CNTN5: variants seen among roughly 807,000 people sequenced by gnomAD.
CNTN5 encodes the protein contactin 5.
A neutral mutation model predicts 129.1 loss-of-function variants in CNTN5; 77 were observed. The observed-to-expected ratio is 0.60, with a 90% CI of 0.50 to 0.72. The LOEUF (loss-of-function observed/expected upper bound fraction) is 0.72, where lower values mean the gene tolerates loss of function less well. CNTN5 is among the 30% of genes least tolerant of loss of function. The probability of loss-of-function intolerance (pLI) is 0.00; values close to 1 mark genes in which losing one functional copy is unlikely to be tolerated. For missense variants in CNTN5, 1,478 were observed against 1,328.8 expected (o/e 1.11, Z -1.75); for synonymous variants, 509 against 465.6 (o/e 1.09, Z -1.20).
chr11:100,212,084 C>T (rs1169580948), intron 15 of CNTN5, among the ~76,000 whole-genome samples: 1 of 152,148 alleles, frequency 6.6e-6, no homozygotes, highest in African/African-American at 2.4e-5. Context: ...CTGTATTTTA[C>T]TCTGTCCTAC....
intron 1 of CNTN5, among the ~76,000 whole-genome samples, chr11:99,280,088 A>G (rs1236122912): frequency 5.9e-5 from 9 of 151,852 alleles, no homozygotes; most frequent in South Asian, 2.1e-4. Context: ...GGGTATATTT[A>G]CAAAGGAATT....
At chr11:99,125,748 T>A (rs564862357) in intron 1 of CNTN5, among the ~76,000 whole-genome samples, 2 of 152,254 alleles carry the variant, frequency 1.3e-5, no homozygotes, top group East Asian at 1.9e-4. Flanking sequence ...AAATAAAAAA[T>A]TTACCACTTG....
At chr11:99,878,374 G>A (rs1167465916) in intron 6 of CNTN5, among the ~76,000 whole-genome samples, 3 of 152,188 alleles carry the variant, frequency 2.0e-5, no homozygotes, top group African/African-American at 7.2e-5. Context: ...GCATGTGAGA[G>A]AAGGACTGAA....
intron 16 of CNTN5, among the ~76,000 whole-genome samples, chr11:100,247,896 G>A (rs1210527381): frequency 6.6e-6 from 1 of 152,050 alleles, no homozygotes; most frequent in African/African-American, 2.4e-5. Flanking sequence ...TAAACCGCAT[G>A]ATAAAAATAA....
At chr11:99,788,798 G>A (rs527249994) in intron 3 of CNTN5, among the ~76,000 whole-genome samples, 7 of 151,914 alleles carry the variant, frequency 4.6e-5, no homozygotes, top group East Asian at 1.9e-4. Context: ...TAGTTGTATC[G>A]TGTGTATATT....
intron 4 of CNTN5, among the ~76,000 whole-genome samples, chr11:99,839,346 T>G (rs2135664367): frequency 6.6e-6 from 1 of 152,248 alleles, no homozygotes; most frequent in Admixed American, 6.5e-5. Flanking sequence ...AGTGGACAAA[T>G]GACTCAGGAT....
intron 13 of CNTN5, among the ~76,000 whole-genome samples, chr11:100,121,196 G>A (rs1946009424): frequency 6.6e-6 from 1 of 151,900 alleles, no homozygotes; most frequent in Non-Finnish European, 1.5e-5. Context: ...TACAGGAGAG[G>A]GGAGAAGAGG....
chr11:99,221,517 AT>A (rs1860396320), intron 1 of CNTN5, among the ~76,000 whole-genome samples: 1 of 151,920 alleles, frequency 6.6e-6, no homozygotes, highest in African/African-American at 2.4e-5. Context: ...TGTCACATGA[AT>A]TCATACAAGA....
At chr11:99,322,289 G>A (rs865785683) in intron 1 of CNTN5, among the ~76,000 whole-genome samples, 2 of 152,082 alleles carry the variant, frequency 1.3e-5, no homozygotes, top group African/African-American at 4.8e-5. Context: ...GTGTCTACTT[G>A]TGTACCCAAA....
chr11:100,061,086 C>T, intron 9 of CNTN5, 126 bp from the exon 10 acceptor site: 2 of 669,096 alleles, frequency 3.0e-6, no homozygotes, highest in Non-Finnish European at 2.4e-6. Context: ...TCAACCAGCA[C>T]ATGGTCCTTA....
Position 99,656,338 on chromosome 11 carries a change from A to G in CNTN5, c.55+100069A>G, listed in dbSNP as rs747742278. ...TTTCAAAGAGATAGCTAGACCTTTC[A>G]TATTTTTTTTCCCTCAGGAAATTTT... is the stretch of plus-strand genomic sequence containing the variant. On this transcript the variant is annotated intron_variant, in intron 3 of 24. Coordinates refer to ENST00000524871, the MANE Select transcript of CNTN5 (RefSeq NM_014361.4). Among the ~76,000 whole-genome samples the G allele has an allele frequency of 5.3e-5, 8 of 152,064 alleles. No individual in the cohort carries two copies. The South Asian group carries it at 1.0e-3, about 20-fold the overall frequency.
chr11:100,128,996 A>G (rs906085959), intron 13 of CNTN5, among the ~76,000 whole-genome samples: 15 of 152,134 alleles, frequency 9.9e-5, no homozygotes, highest in African/African-American at 3.6e-4. Context: ...TTGTGTAACA[A>G]TTTGTTTACA....
chr11:99,391,430 G>T (rs1009088841), intron 2 of CNTN5, among the ~76,000 whole-genome samples: 1 of 152,090 alleles, frequency 6.6e-6, no homozygotes, highest in Non-Finnish European at 1.5e-5. Context: ...CTAATAGATG[G>T]GCATGAAAAG....
intron 3 of CNTN5, among the ~76,000 whole-genome samples, chr11:99,801,854 A>T (rs558199523): frequency 6.6e-6 from 1 of 152,008 alleles, no homozygotes; most frequent in African/African-American, 2.4e-5. Flanking sequence ...TTGATTTTCA[A>T]CCTTCTCTTT....
chr11:99,862,987 A>G (rs867768685), intron 6 of CNTN5, among the ~76,000 whole-genome samples: 38 of 152,140 alleles, frequency 2.5e-4, no homozygotes, highest in African/African-American at 8.9e-4. Context: ...ACTAAAAAGT[A>G]TAAATAGCAA....
chr11:99,639,559 G>GTTTTTTTTTTT (rs71050010), intron 3 of CNTN5, among the ~76,000 whole-genome samples: 6 of 70,320 alleles, frequency 8.5e-5, no homozygotes, highest in Non-Finnish European at 1.3e-4. Flanking sequence ...TCACCTTTAT[G>GTTTTTTTTTTT]TTTTTTTTTT....
At chr11:99,735,844 A>C (rs1943688586) in intron 3 of CNTN5, among the ~76,000 whole-genome samples, 1 of 152,276 alleles carries the variant, frequency 6.6e-6, no homozygotes, top group African/African-American at 2.4e-5. Context: ...ACAATACGGT[A>C]TTGTTAACTA....
chr11:99,868,431 C>T (rs933380699), intron 6 of CNTN5, among the ~76,000 whole-genome samples: 4 of 152,128 alleles, frequency 2.6e-5, no homozygotes, highest in African/African-American at 7.2e-5. Flanking sequence ...AAGCCATCCT[C>T]ATTTTGTGTT....
chr11:100,250,553 G>A (rs639236), intron 16 of CNTN5, among the ~76,000 whole-genome samples: 148,247 of 152,154 alleles, frequency 0.97, 72,241 homozygotes, highest in East Asian at 1. Flanking sequence ...TAAACATTAC[G>A]TGATTATTGG....
Sources: gnomAD v4.1 joint callset for allele counts (sites outside exome capture counted in the v4.1 genomes callset) on GRCh38, gnomAD v4.1.1 for gene constraint, MANE v1.5 for transcripts, NCBI Gene and HGNC (gene_info 2026-07-23, HGNC 2026-07-21) for gene names.